The following GABRB1 variants were observed in gnomAD, a reference collection of about 807,000 sequenced individuals.
GABRB1 encodes gamma-aminobutyric acid receptor subunit beta-1.
Under a neutral mutation model 51.6 loss-of-function variants are expected in GABRB1, and 17 were observed. The ratio of observed to expected loss-of-function variants is 0.33; its 90% CI spans 0.23 to 0.49. The LOEUF (loss-of-function observed/expected upper bound fraction) is 0.49. GABRB1 is among the 20% of genes least tolerant of loss of function. GABRB1 has a pLI of 0.99. For synonymous variants in GABRB1, 247 were observed against 218.9 expected (o/e 1.13, Z -1.14); for missense variants, 410 against 600.6 (o/e 0.68, Z 3.32).
chr4:47,243,205 G>GTATTATT, intron 4 of GABRB1, among the ~76,000 whole-genome samples: 1 of 152,214 alleles, frequency 6.6e-6, no homozygotes, highest in East Asian at 1.9e-4. Context: ...TAGATGTGTG[G>GTATTATT]TATTATTTCT....
chr4:47,320,222 G>A lies in GABRB1; in HGVS notation c.544+13G>A, dbSNP rs372361253. 1.7e-5 allele frequency: 26 copies of A among 1,507,760 alleles called. No individual in the cohort carries two copies. Among genetic ancestry groups the A allele is most frequent in the South Asian group, 7.9e-5 (7 of 89,040 alleles). The allele number at this position is 1,507,760 out of a possible 1,614,324, so 93.4% of individuals were successfully genotyped here. A position where few individuals can be genotyped will look rare whatever the true frequency, so the allele number is the denominator to read the frequency against. On this transcript the variant is annotated intron_variant, in intron 5 of 8. Transcript: ENST00000295454. ...GAGATCGAAAGTTGTGAGTTACTTG[G>A]ACAGGGGAATGAAAAAGAGGGATTC... is the stretch of plus-strand genomic sequence containing the variant.
chr4:47,102,593 G>A (rs1034113837), intron 3 of GABRB1, among the ~76,000 whole-genome samples: 2 of 151,942 alleles, frequency 1.3e-5, no homozygotes, highest in Admixed American at 6.6e-5. Context: ...ACAGGTGGGA[G>A]TTACTCAGTT....
At chr4:47,205,771 G>C (rs1225656297) in intron 4 of GABRB1, among the ~76,000 whole-genome samples, 1 of 152,096 alleles carries the variant, frequency 6.6e-6, no homozygotes, top group Non-Finnish European at 1.5e-5. Context: ...AGTCAGGAAA[G>C]AGTAAGGAAG....
chr4:47,304,113 G>C (rs1382914605), intron 4 of GABRB1, among the ~76,000 whole-genome samples: 2 of 151,984 alleles, frequency 1.3e-5, no homozygotes, highest in African/African-American at 2.4e-5. Context: ...TGGGAATGCA[G>C]ATATCTCTTC....
intron 3 of GABRB1, among the ~76,000 whole-genome samples, chr4:47,132,428 TTTGG>T (rs758227608): frequency 0.025 from 1,478 of 58,124 alleles, 23 homozygotes; most frequent in Non-Finnish European, 0.029. Flanking sequence ...TTTGGTTTGG[TTTGG>T]TTTGGTTTGG....
intron 4 of GABRB1, among the ~76,000 whole-genome samples, chr4:47,311,895 T>C (rs1724701617): frequency 6.6e-6 from 1 of 152,162 alleles, no homozygotes; most frequent in Non-Finnish European, 1.5e-5. Flanking sequence ...CCGAGATTGC[T>C]GAGGCTTTCC....
rs5858067 is a variant in GABRB1, at chr4:47,392,338, CTTTT to C, written c.545-10964_545-10961del. Among the ~76,000 whole-genome samples, 520 of 130,822 alleles carry C rather than the reference CTTTT, an allele frequency of 4.0e-3. 5 individuals are homozygous for C. The highest frequency in any genetic ancestry group is 0.012 in the African/African-American group (428 of 34,794). 85.8% of individuals were successfully genotyped at this position (130,822 alleles called of 152,430 possible). ...CAGGAAGCTTCTTTCTCCCTTCCAC[CTTTT>C]TTTTTTTTTTTTTTTGAGATGGAGT... On this transcript the variant is annotated intron_variant, in intron 5 of 8. Coordinates refer to ENST00000295454, the MANE Select transcript of GABRB1 (RefSeq NM_000812.4).
At chr4:47,416,156 A>T (rs1728908647) in intron 8 of GABRB1, among the ~76,000 whole-genome samples, 1 of 152,238 alleles carries the variant, frequency 6.6e-6, no homozygotes. Flanking sequence ...AATGATGAGA[A>T]GCTAGCCAGG....
chr4:47,097,619 T>C (rs1714511752), intron 3 of GABRB1, among the ~76,000 whole-genome samples: 1 of 152,202 alleles, frequency 6.6e-6, no homozygotes, highest in Admixed American at 6.6e-5. Context: ...ATTTTGTCTG[T>C]TTTATTTATT....
intron 5 of GABRB1, among the ~76,000 whole-genome samples, chr4:47,344,603 C>T (rs550594256): frequency 5.9e-5 from 9 of 152,180 alleles, no homozygotes; most frequent in Non-Finnish European, 8.8e-5. Flanking sequence ...TCAACACAAG[C>T]GCTATAACTC....
At chr4:47,172,288 A>T (rs1444500358) in intron 4 of GABRB1, among the ~76,000 whole-genome samples, 1 of 152,186 alleles carries the variant, frequency 6.6e-6, no homozygotes, top group African/African-American at 2.4e-5. Context: ...TTTGTATATC[A>T]ATCTAAGTAA....
chr4:47,271,418 A>G (rs1004182024), intron 4 of GABRB1, among the ~76,000 whole-genome samples: 2 of 152,178 alleles, frequency 1.3e-5, no homozygotes, highest in Admixed American at 1.3e-4. Flanking sequence ...TGAATACTCA[A>G]ATGTAATTAA....
At chr4:47,270,739 G>A (rs1281675934) in intron 4 of GABRB1, among the ~76,000 whole-genome samples, 1 of 141,870 alleles carries the variant, frequency 7.0e-6, no homozygotes, top group African/African-American at 2.7e-5. Flanking sequence ...TAACCTTTCA[G>A]TATAGGCAAG....
At chr4:47,418,844 C>T (rs1041885171) in intron 8 of GABRB1, among the ~76,000 whole-genome samples, 5 of 152,190 alleles carry the variant, frequency 3.3e-5, no homozygotes, top group East Asian at 1.9e-4. Context: ...TGCCTCTAAA[C>T]ATCCATGCAG....
chr4:47,406,269 G>A (rs1445729896), intron 7 of GABRB1, among the ~76,000 whole-genome samples: 1 of 152,302 alleles, frequency 6.6e-6, no homozygotes, highest in Middle Eastern at 3.4e-3. Flanking sequence ...GGTAGAGGCT[G>A]CTATAGGGAT....
intron 5 of GABRB1, among the ~76,000 whole-genome samples, chr4:47,365,388 AGTTT>A (rs1035992379): frequency 6.6e-6 from 1 of 152,092 alleles, no homozygotes; most frequent in Non-Finnish European, 1.5e-5. Flanking sequence ...ATTACCACTT[AGTTT>A]GAGTTAGTTT....
At chr4:47,000,929 A>G (rs1187270838) in intron 1 of GABRB1, among the ~76,000 whole-genome samples, 2 of 152,200 alleles carry the variant, frequency 1.3e-5, no homozygotes, top group East Asian at 3.9e-4. Context: ...AGGGGATAAC[A>G]AAGATGTAAA....
chr4:47,386,073 G>A (rs1727785188), intron 5 of GABRB1, among the ~76,000 whole-genome samples: 1 of 152,156 alleles, frequency 6.6e-6, no homozygotes, highest in South Asian at 2.1e-4. Flanking sequence ...TCATCACATA[G>A]GCATGATGGA....
At chr4:47,180,855 A>T (rs1198158751) in intron 4 of GABRB1, among the ~76,000 whole-genome samples, 1 of 152,068 alleles carries the variant, frequency 6.6e-6, no homozygotes, top group Non-Finnish European at 1.5e-5. Context: ...ATTTTTACAG[A>T]TAACTTTGGC....
Sources: gnomAD v4.1 joint callset for allele counts (sites outside exome capture counted in the v4.1 genomes callset) on GRCh38, gnomAD v4.1.1 for gene constraint, MANE v1.5 for transcripts, NCBI Gene and HGNC (gene_info 2026-07-23, HGNC 2026-07-21) for gene names.